RNF169: variants seen among roughly 807,000 people sequenced by gnomAD.
The protein encoded by RNF169 is ring finger protein 169.
In RNF169, 24 loss-of-function variants were observed where a neutral mutation model predicts 53.9. The observed-to-expected ratio is 0.45, with a 90% confidence interval of 0.32 to 0.63. The LOEUF is 0.63. Among genes scored for constraint, RNF169 ranks in the 20% least tolerant of loss-of-function variants. The pLI, the probability that RNF169 is intolerant of heterozygous loss-of-function variation, is 0.04. For missense variants in RNF169, 883 were observed against 906.2 expected, an observed-to-expected ratio of 0.97 and a Z score of 0.33; for synonymous variants, 396 against 363.5, an observed-to-expected ratio of 1.09 and a Z score of -1.02.
intron 4 of RNF169, among the ~76,000 whole-genome samples, chr11:74,818,418 T>C (rs1296071612): frequency 1.3e-5 from 2 of 152,084 alleles, no homozygotes; most frequent in African/African-American, 2.4e-5. Flanking sequence ...TTTTAGACAG[T>C]GTCTCACTCT....
At chr11:74,777,990 G>A (rs2135334742) in intron 1 of RNF169, among the ~76,000 whole-genome samples, 1 of 152,266 alleles carries the variant, frequency 6.6e-6, no homozygotes, top group South Asian at 2.1e-4. Flanking sequence ...CAGCAGGCCA[G>A]ATGCAGCTTC....
intron 4 of RNF169, among the ~76,000 whole-genome samples, chr11:74,829,005 A>T (rs2036137613): frequency 6.6e-6 from 1 of 152,238 alleles, no homozygotes; most frequent in South Asian, 2.1e-4. Context: ...GATCTAATTA[A>T]ACTAAAGAGC....
intron 1 of RNF169, among the ~76,000 whole-genome samples, chr11:74,774,709 C>G (rs747915143): frequency 6.6e-6 from 1 of 152,092 alleles, no homozygotes; most frequent in African/African-American, 2.4e-5. Context: ...AATCCTAGCA[C>G]TTTGGGATGC....
intron 1 of RNF169, 65 bp downstream of exon 1, chr11:74,749,447 T>C: frequency 8.5e-7 from 1 of 1,183,082 alleles, no homozygotes; most frequent in Non-Finnish European, 1.1e-6. Context: ...CCCGGCCTGG[T>C]GAGGGGGTGG....
intron 2 of RNF169, among the ~76,000 whole-genome samples, chr11:74,802,555 C>G (rs1207735643): frequency 6.6e-6 from 1 of 152,090 alleles, no homozygotes; most frequent in Non-Finnish European, 1.5e-5. Context: ...AGGCACAAGA[C>G]TGGCTTGAAC....
At position 74,821,619 on chromosome 11, in the gene RNF169, C is replaced by G. The variant is rs1431084619; in HGVS notation, c.842+3905C>G. 2.5e-5 allele frequency among the ~76,000 whole-genome samples: 3 copies of G among 119,258 alleles called. 1 individual carries two copies. The East Asian group carries it at 7.4e-4, about 29-fold the overall frequency. The allele number at this position is 119,258 out of a possible 152,430, so 78.2% of individuals were successfully genotyped here. A position where few individuals can be genotyped will look rare whatever the true frequency, so the allele number is the denominator to read the frequency against. On this transcript the variant is annotated intron_variant, in intron 4 of 5. Coordinates refer to ENST00000299563, the MANE Select transcript of RNF169 (RefSeq NM_001098638.2). ...CTTGCAGTGAGCCGAGATCCCGCCA[C>G]TGCACTCCAGCCTGGGCGACAGAGC...
At chr11:74,815,796 G>T (rs989385858) in intron 3 of RNF169, among the ~76,000 whole-genome samples, 7 of 152,136 alleles carry the variant, frequency 4.6e-5, no homozygotes, top group African/African-American at 7.2e-5. Context: ...CAGTGACAGT[G>T]ATAGCTGACA....
At chr11:74,765,196 G>A (rs78041607) in intron 1 of RNF169, among the ~76,000 whole-genome samples, 7,346 of 152,228 alleles carry the variant, frequency 0.048, 297 homozygotes, top group South Asian at 0.2. Flanking sequence ...GTGACAGAGC[G>A]AGATCCTGTC....
intron 2 of RNF169, among the ~76,000 whole-genome samples, chr11:74,806,063 T>C (rs1057466016): frequency 1.3e-5 from 2 of 152,064 alleles, no homozygotes; most frequent in African/African-American, 4.8e-5. Flanking sequence ...ATATAAGATA[T>C]ATGTACATAT....
chr11:74,788,433 C>T lies in RNF169; in HGVS notation c.503-1193C>T, dbSNP rs1591406118. On this transcript the variant is annotated intron_variant, in intron 1 of 5. Transcript: ENST00000299563. ...TTTGAAACAGAGTCTCACTCTCTCA[C>T]CCAGGCTGGAGTACAGTGGCATGAT... is the stretch of plus-strand genomic sequence containing the variant. 2.0e-5 allele frequency among the ~76,000 whole-genome samples: 3 copies of T among 152,276 alleles called. No individual in the cohort carries two copies. In the South Asian group the frequency reaches 6.2e-4, roughly 32 times the overall value.
chr11:74,772,920 G>A (rs1591395711), intron 1 of RNF169, among the ~76,000 whole-genome samples: 1 of 152,088 alleles, frequency 6.6e-6, no homozygotes, highest in South Asian at 2.1e-4. Flanking sequence ...CTATTGGCTA[G>A]GTACTAATAG....
chr11:74,828,755 G>GT lies in RNF169; in HGVS notation c.843-5920dup, dbSNP rs575034414. Among the ~76,000 whole-genome samples the GT allele has an allele frequency of 9.2e-5, 14 of 152,256 alleles. No individual in the cohort carries two copies. In the East Asian group the frequency reaches 2.1e-3, roughly 23 times the overall value. ...CAATGGGGAAAGGATTCCCTATTTA[G>GT]TAAGTGGTGCTGGGAGAACTGGTTA... On this transcript the variant is annotated intron_variant, in intron 4 of 5. Coordinates refer to ENST00000299563, the MANE Select transcript of RNF169 (RefSeq NM_001098638.2).
At chr11:74,797,403 A>T (rs539669181) in intron 2 of RNF169, among the ~76,000 whole-genome samples, 22 of 152,284 alleles carry the variant, frequency 1.4e-4, no homozygotes, top group African/African-American at 5.3e-4. Context: ...TTTAAAAAGT[A>T]GCTTTATTTA....
chr11:74,791,846 A>G (rs2035584472), intron 2 of RNF169, among the ~76,000 whole-genome samples: 1 of 152,168 alleles, frequency 6.6e-6, no homozygotes, highest in African/African-American at 2.4e-5. Context: ...GTAAGAGGGC[A>G]TGGCTCCTAC....
intron 2 of RNF169, among the ~76,000 whole-genome samples, chr11:74,796,648 T>C (rs757620268): frequency 3.3e-5 from 5 of 152,128 alleles, no homozygotes; most frequent in Admixed American, 6.5e-5. Context: ...CTTTGAATCA[T>C]TGGACTCTGA....
intron 2 of RNF169, among the ~76,000 whole-genome samples, chr11:74,802,495 T>G (rs1488393423): frequency 6.6e-6 from 1 of 151,990 alleles, no homozygotes; most frequent in Non-Finnish European, 1.5e-5. Context: ...ATACAAAAAT[T>G]AGCCAGGCGC....
chr11:74,755,862 G>T (rs2034973767), intron 1 of RNF169, among the ~76,000 whole-genome samples: 1 of 152,190 alleles, frequency 6.6e-6, no homozygotes, highest in Non-Finnish European at 1.5e-5. Flanking sequence ...ACTGAAGTTA[G>T]ATCATGAAGG....
At chr11:74,769,173 T>C (rs1343292514) in intron 1 of RNF169, among the ~76,000 whole-genome samples, 1 of 152,244 alleles carries the variant, frequency 6.6e-6, no homozygotes, top group African/African-American at 2.4e-5. Flanking sequence ...CAAATCATTA[T>C]GATGACAGAT....
chr11:74,760,605 A>C (rs2035066021), intron 1 of RNF169, among the ~76,000 whole-genome samples: 1 of 151,286 alleles, frequency 6.6e-6, no homozygotes. Flanking sequence ...TTCAGTTTCC[A>C]TGTAGTTGAG....
Sources: gnomAD v4.1 joint callset for allele counts (sites outside exome capture counted in the v4.1 genomes callset) on GRCh38, gnomAD v4.1.1 for gene constraint, MANE v1.5 for transcripts, NCBI Gene and HGNC (gene_info 2026-07-23, HGNC 2026-07-21) for gene names.